Variants in OLAH observed in about 807,000 individuals in gnomAD.
The protein encoded by OLAH is oleoyl-ACP hydrolase.
In OLAH, 33 loss-of-function variants were observed where a neutral mutation model predicts 27.8. The observed-to-expected ratio is 1.19, with a 90% CI of 0.90 to 1.59. The LOEUF (loss-of-function observed/expected upper bound fraction) is 1.59, where lower values mean the gene tolerates loss of function less well. Ranked by LOEUF, OLAH falls within the 40% of genes most tolerant of loss-of-function variation. The pLI is 0.00. For synonymous variants in OLAH, 120 were observed against 102.9 expected, an observed-to-expected ratio of 1.17 and a Z score of -1.01; for missense variants, 359 against 310.8, an observed-to-expected ratio of 1.16 and a Z score of -1.17.
At chr10:15,070,985 T>C (rs181728965) in intron 6 of OLAH, among the ~76,000 whole-genome samples, 32 of 152,142 alleles carry the variant, frequency 2.1e-4, no homozygotes, top group African/African-American at 7.7e-4. Flanking sequence ...GGTCTTGCTA[T>C]GTTGCCCAGG....
intron 3 of OLAH, among the ~76,000 whole-genome samples, chr10:15,057,675 C>T (rs553547131): frequency 4.6e-5 from 7 of 152,078 alleles, no homozygotes; most frequent in East Asian, 1.9e-4. Flanking sequence ...CATGAGCCAC[C>T]GTGCCTGGGC....
At chr10:15,068,086 A>G (rs568401251) in intron 6 of OLAH, 1 of 152,288 alleles carries the variant, frequency 6.6e-6, no homozygotes, top group African/African-American at 2.4e-5. Flanking sequence ...ACTGTCTTCA[A>G]GGCCGCTGAC....
intron 1 of OLAH, among the ~76,000 whole-genome samples, chr10:15,035,718 G>C (rs193081417): frequency 2.0e-5 from 3 of 152,206 alleles, no homozygotes; most frequent in African/African-American, 7.2e-5. Flanking sequence ...TATCTTCTCG[G>C]GGCTCTGCAT....
intron 1 of OLAH, among the ~76,000 whole-genome samples, chr10:15,033,868 C>G (rs1372805932): frequency 6.6e-6 from 1 of 152,098 alleles, no homozygotes; most frequent in East Asian, 1.9e-4. Flanking sequence ...CCCAAGGGTC[C>G]TATCTCTTAA....
intron 3 of OLAH, among the ~76,000 whole-genome samples, chr10:15,058,920 T>TTCCTTCCC (rs10655933): frequency 0.39 from 52,966 of 135,754 alleles, 11,313 homozygotes; most frequent in East Asian, 0.58. Context: ...ATTTCTCCCC[T>TTCCTTCCC]TCCTTCCCTC....
chr10:15,069,277 C>A (rs557719858), intron 6 of OLAH, among the ~76,000 whole-genome samples: 1 of 152,330 alleles, frequency 6.6e-6, no homozygotes, highest in South Asian at 2.1e-4. Flanking sequence ...CAGCAGAACT[C>A]TGCTTGGTTT....
intron 3 of OLAH, among the ~76,000 whole-genome samples, chr10:15,051,133 T>C (rs1405565355): frequency 6.7e-6 from 1 of 149,568 alleles, no homozygotes; most frequent in African/African-American, 2.5e-5. Flanking sequence ...TGGAGTGCGG[T>C]GGCATGATCT....
At chr10:15,066,633 A>G (rs1234437483) in intron 6 of OLAH, among the ~76,000 whole-genome samples, 1 of 63,868 alleles carries the variant, frequency 1.6e-5, no homozygotes, top group Non-Finnish European at 3.4e-5. Context: ...TTATTTATTT[A>G]TTTATTTATT....
chr10:15,042,424 A>G (rs561059870), upstream of OLAH, among the ~76,000 whole-genome samples: 1 of 152,288 alleles, frequency 6.6e-6, no homozygotes, highest in Non-Finnish European at 1.5e-5. Context: ...AAGTGCTAGG[A>G]TTATAGGTGT....
At chr10:15,062,039 A>AT (rs976833831) in intron 4 of OLAH, 177 bp downstream of exon 4, 10 of 540,124 alleles carry the variant, frequency 1.9e-5, no homozygotes, top group South Asian at 1.4e-4. Flanking sequence ...AAGTATACCT[A>AT]TTTTTTTTCC....
upstream of OLAH, among the ~76,000 whole-genome samples, chr10:15,042,953 C>T (rs3763786): frequency 0.32 from 48,418 of 149,986 alleles, 7,932 homozygotes; most frequent in East Asian, 0.45. Flanking sequence ...CTCCGCCTCC[C>T]GGGTTCACAC....
intron 6 of OLAH, among the ~76,000 whole-genome samples, chr10:15,070,035 C>T (rs1329297771): frequency 1.3e-5 from 2 of 152,192 alleles, no homozygotes; most frequent in Non-Finnish European, 2.9e-5. Context: ...TGTCTACTGG[C>T]CCCATCTCTC....
chr10:15,032,814 T>TAA (rs1843780094), intron 1 of OLAH, among the ~76,000 whole-genome samples: 1 of 152,152 alleles, frequency 6.6e-6, no homozygotes, highest in Non-Finnish European at 1.5e-5. Context: ...TCTGGCCCCA[T>TAA]ATTTCTGCCT....
At chr10:15,041,837 A>G (rs1695088980), upstream of OLAH, among the ~76,000 whole-genome samples, 1 of 152,068 alleles carries the variant, frequency 6.6e-6, no homozygotes, top group Non-Finnish European at 1.5e-5. Context: ...TCGGCCTACC[A>G]AAGTGCTGGG....
intron 1 of OLAH, among the ~76,000 whole-genome samples, chr10:15,037,132 CA>C (rs1843852660): frequency 6.7e-6 from 1 of 148,432 alleles, no homozygotes; most frequent in Non-Finnish European, 1.5e-5. Context: ...TCGGCTGGAG[CA>C]AAACTACAAT....
chr10:15,047,394 CT>C, intron 2 of OLAH, 74 bp downstream of exon 2: 3 of 1,448,350 alleles, frequency 2.1e-6, no homozygotes, highest in Non-Finnish European at 2.9e-6. Context: ...GTACGGCTCC[CT>C]TTTTAGTTTG....
At position 15,064,333 on chromosome 10, in the gene OLAH, T is replaced by A. The variant is rs140838629; in HGVS notation, c.303-70T>A. The A allele has an allele frequency of 3.1e-5, 27 of 857,886 alleles. No individual in the cohort carries two copies. In the African/African-American group the frequency reaches 3.9e-4, roughly 12 times the overall value. 53.1% of individuals were successfully genotyped at this position (857,886 alleles called of 1,614,324 possible). On this transcript the variant is annotated intron_variant, in intron 4 of 7. Transcript: ENST00000378228. ...TTGTTGTGTTTATGATACTGTTCCT[T>A]TTGACTTTCGGTGGATCATCACGAG...
chr10:15,065,275 C>T (rs1844445211), intron 5 of OLAH, among the ~76,000 whole-genome samples: 1 of 152,172 alleles, frequency 6.6e-6, no homozygotes, highest in Non-Finnish European at 1.5e-5. Context: ...AAACCTGGTG[C>T]TGTTGCTCCT....
At chr10:15,050,526 C>T (rs1319518038) in intron 3 of OLAH, among the ~76,000 whole-genome samples, 2 of 149,542 alleles carry the variant, frequency 1.3e-5, no homozygotes, top group Admixed American at 6.8e-5. Flanking sequence ...CCTTGGCCTC[C>T]CAAAGTGCTA....
Sources: allele counts gnomAD v4.1 joint callset (sites outside exome capture counted in the v4.1 genomes callset), GRCh38; gene constraint gnomAD v4.1.1; transcripts MANE v1.5; gene names NCBI Gene and HGNC (gene_info 2026-07-23, HGNC 2026-07-21).